Variants in CRIM1 observed in about 807,000 individuals in gnomAD.
CRIM1 encodes the protein cysteine-rich motor neuron 1 protein.
CRIM1 carries 32 observed loss-of-function variants against 116.4 expected under a neutral mutation model. The ratio of observed to expected loss-of-function variants is 0.27; its 90% CI spans 0.21 to 0.37. The LOEUF (loss-of-function observed/expected upper bound fraction) is 0.37, where lower values mean the gene tolerates loss of function less well. CRIM1 is among the 10% of genes least tolerant of loss of function. The pLI, the probability that CRIM1 is intolerant of heterozygous loss-of-function variation, is 1.00. For missense variants in CRIM1, 1,331 were observed against 1,354.8 expected, an observed-to-expected ratio of 0.98 and a Z score of 0.28; for synonymous variants, 590 against 509.2, an observed-to-expected ratio of 1.16 and a Z score of -2.13.
At position 36,473,960 on chromosome 2, in the gene CRIM1, C is replaced by T. The variant is rs1401590109; in HGVS notation, c.992-2929C>T. Among the ~76,000 whole-genome samples, 3 of 152,000 alleles carry T rather than the reference C, an allele frequency of 2.0e-5. No individual in the cohort carries two copies. In the East Asian group the frequency reaches 5.8e-4, roughly 29 times the overall value. ...TTCCAAAGCAGCTGTGCTTTTACAT[C>T]CTCACTAAAAATCTATGAGAATTCC... is the stretch of plus-strand genomic sequence containing the variant. On this transcript the variant is annotated intron_variant, in intron 5 of 16. Transcript: ENST00000280527.
intron 7 of CRIM1, among the ~76,000 whole-genome samples, chr2:36,494,237 T>C (rs1308088780): frequency 6.6e-6 from 1 of 152,212 alleles, no homozygotes; most frequent in Non-Finnish European, 1.5e-5. Flanking sequence ...ATTGAGTAGA[T>C]AAAATTGCTC....
intron 2 of CRIM1, among the ~76,000 whole-genome samples, chr2:36,411,820 C>T (rs1426496749): frequency 1.3e-5 from 2 of 152,096 alleles, no homozygotes; most frequent in East Asian, 3.8e-4. Flanking sequence ...GAGATACATT[C>T]CAGTGGTTCG....
chr2:36,438,102 A>G (rs1057022088), intron 2 of CRIM1, among the ~76,000 whole-genome samples: 1 of 150,844 alleles, frequency 6.6e-6, no homozygotes, highest in African/African-American at 2.4e-5. Context: ...ACTGTACTCC[A>G]GCCTGGCAAC....
At chr2:36,479,457 A>C (rs1352411252) in intron 6 of CRIM1, 40 bp from the exon 7 acceptor site, 1 of 1,593,524 alleles carries the variant, frequency 6.3e-7, no homozygotes, top group Admixed American at 1.7e-5. Flanking sequence ...TAAGATTTAG[A>C]AGATGCTCAG....
At chr2:36,490,591 T>C (rs529597494) in intron 7 of CRIM1, among the ~76,000 whole-genome samples, 1 of 152,310 alleles carries the variant, frequency 6.6e-6, no homozygotes, top group Admixed American at 6.5e-5. Flanking sequence ...ACTGTTATTC[T>C]GAACTCTGTG....
chr2:36,387,231 A>G (rs1327906660), intron 1 of CRIM1, among the ~76,000 whole-genome samples: 1 of 152,234 alleles, frequency 6.6e-6, no homozygotes, highest in African/African-American at 2.4e-5. Context: ...ACAGCTAATG[A>G]CCTGGCTTAA....
intron 6 of CRIM1, among the ~76,000 whole-genome samples, chr2:36,478,002 C>G (rs1239382024): frequency 6.6e-6 from 1 of 152,212 alleles, no homozygotes; most frequent in Non-Finnish European, 1.5e-5. Context: ...GATCTTCAAT[C>G]TGAAGTCGCA....
intron 4 of CRIM1, among the ~76,000 whole-genome samples, chr2:36,458,869 G>C (rs569952295): frequency 2.0e-5 from 3 of 152,204 alleles, no homozygotes; most frequent in Non-Finnish European, 4.4e-5. Flanking sequence ...CAGTCTGCAA[G>C]AGTTTAAGTA....
In CRIM1 at chr2:36,548,638, T is replaced by C. The variant is rs755479776; in HGVS notation, c.3048T>C (p.Ser1016=). 3.7e-6 allele frequency: 6 copies of C among 1,612,636 alleles called. No homozygotes were observed. In the African/African-American group the frequency reaches 5.3e-5, roughly 14 times the overall value. ...LRIAEPDARF[S]GFYSMQKQNH... is the part of the protein sequence containing the mutation. ...TTGCAGAACCAGATGCAAGATTCAGTGGCTTCTACAGCATGCAAAAACAGA... is the reference window on the plus strand; with the variant it reads ...TTGCAGAACCAGATGCAAGATTCAGCGGCTTCTACAGCATGCAAAAACAGA... Residue 1016 remains serine (S), a synonymous_variant, in exon 17 of 17, where the codon AGT becomes AGC. Coordinates refer to ENST00000280527, the MANE Select transcript of CRIM1 (RefSeq NM_016441.3).
At chr2:36,485,641 T>C (rs1190891306) in intron 7 of CRIM1, among the ~76,000 whole-genome samples, 1 of 152,154 alleles carries the variant, frequency 6.6e-6, no homozygotes, top group Non-Finnish European at 1.5e-5. Context: ...GTATCTCAAA[T>C]GATTAAGCTA....
chr2:36,356,640 C>T lies in CRIM1; in HGVS notation c.331+17C>T. The T allele has an allele frequency of 6.3e-7, 1 of 1,595,928 alleles. No homozygotes were observed. The highest frequency in any genetic ancestry group is 8.5e-7 in the Non-Finnish European group (1 of 1,173,080). On this transcript the variant is annotated intron_variant, in intron 1 of 16. Transcript: ENST00000280527. The surrounding 1 kb of genome is among the most constrained non-coding windows in gnomAD (Gnocchi z 4.3). ...TTTGCGAAGGTACGGCCGCCCGCTGCGGGCCCCCTCCCACCTGGCCTGCGC... is the reference window on the plus strand; with the variant it reads ...TTTGCGAAGGTACGGCCGCCCGCTGTGGGCCCCCTCCCACCTGGCCTGCGC...
chr2:36,499,319 T>C lies in CRIM1; in HGVS notation c.1473T>C (p.Asn491=). The C allele has an allele frequency of 6.2e-7, 1 of 1,614,162 alleles. No individual in the cohort carries two copies. The highest frequency in any genetic ancestry group is 8.5e-7 in the Non-Finnish European group (1 of 1,180,006). Residue 491 remains asparagine, a synonymous_variant, in exon 8 of 17, where the codon AAT becomes AAC. Transcript: ENST00000280527. ...TTAATGGTTTCAAACGCGATCACAATGGTTGTCGGACCTGTCAGTGCATAA... is the reference window on the plus strand; with the variant it reads ...TTAATGGTTTCAAACGCGATCACAACGGTTGTCGGACCTGTCAGTGCATAA... ...DCINGFKRDH[N]GCRTCQCINT...
intron 4 of CRIM1, among the ~76,000 whole-genome samples, chr2:36,450,073 T>C (rs1212735343): frequency 6.6e-6 from 1 of 152,128 alleles, no homozygotes; most frequent in Non-Finnish European, 1.5e-5. Flanking sequence ...AAATAGATAG[T>C]CCCTACGTAG....
At chr2:36,423,569 G>T (rs1029830211) in intron 2 of CRIM1, among the ~76,000 whole-genome samples, 4 of 152,220 alleles carry the variant, frequency 2.6e-5, no homozygotes, top group Non-Finnish European at 5.9e-5. Flanking sequence ...TGCGATTGTT[G>T]TGTAGCTAGG....
chr2:36,478,612 C>G (rs1263413342), intron 6 of CRIM1, among the ~76,000 whole-genome samples: 1 of 152,224 alleles, frequency 6.6e-6, no homozygotes, highest in Non-Finnish European at 1.5e-5. Flanking sequence ...TGCTGACCTT[C>G]TAACTGACTT....
At chr2:36,526,658 G>A (rs1185078950) in intron 13 of CRIM1, among the ~76,000 whole-genome samples, 4 of 152,124 alleles carry the variant, frequency 2.6e-5, no homozygotes. Flanking sequence ...TGTTCGTGTT[G>A]GTGATGCTTC....
At position 36,544,408 on chromosome 2, in the gene CRIM1, A is replaced by C. The variant is rs748998611; in HGVS notation, c.2656A>C (p.Ile886Leu). ...TGTCCCAGAACCAACCAATATACCC[A>C]TTGAGAAGACAAACCATCGAGGAGA... ...MYVPEPTNIP[I>L]EKTNHRGEVD... Residue 886 changes from isoleucine to leucine, a missense_variant, in exon 15 of 17, where the codon ATT becomes CTT. Transcript: ENST00000280527. 2.8e-6 allele frequency: 4 copies of C among 1,424,446 alleles called. No homozygotes were observed. The highest frequency in any genetic ancestry group is 3.7e-6 in the Non-Finnish European group (4 of 1,084,840). The allele number at this position is 1,424,446 out of a possible 1,614,324, so 88.2% of individuals were successfully genotyped here.
chr2:36,440,090 A>G (rs1371565702), intron 2 of CRIM1, among the ~76,000 whole-genome samples: 1 of 152,198 alleles, frequency 6.6e-6, no homozygotes, highest in Admixed American at 6.5e-5. Flanking sequence ...CATGGTTTTA[A>G]AAAGAGATCC....
At chr2:36,527,813 T>A (rs1012644225) in intron 13 of CRIM1, among the ~76,000 whole-genome samples, 6 of 152,370 alleles carry the variant, frequency 3.9e-5, no homozygotes, top group Non-Finnish European at 7.3e-5. Flanking sequence ...CATAATGATA[T>A]GATGGTGCCC....
Sources: gnomAD v4.1 joint callset for allele counts (sites outside exome capture counted in the v4.1 genomes callset) on GRCh38, gnomAD v4.1.1 for gene constraint, Gnocchi (gnomAD v3.1) non-coding constraint, MANE v1.5 for transcripts, NCBI Gene and HGNC (gene_info 2026-07-23, HGNC 2026-07-21) for gene names.